The following KPNA3 variants were observed in gnomAD, a reference collection of about 807,000 sequenced individuals.
KPNA3 encodes importin subunit alpha-4.
KPNA3 carries 13 observed loss-of-function variants against 73.8 expected under a neutral mutation model. That is an observed-to-expected ratio of 0.18 (90% confidence interval 0.11 to 0.28). The LOEUF (loss-of-function observed/expected upper bound fraction) is 0.28, where lower values mean the gene tolerates loss of function less well. Among genes scored for constraint, KPNA3 ranks in the 10% least tolerant of loss-of-function variants. The pLI, the probability that KPNA3 is intolerant of heterozygous loss-of-function variation, is 1.00. For synonymous variants in KPNA3, 186 were observed against 206.9 expected (o/e 0.90, Z 0.87); for missense variants, 360 against 618.1 (o/e 0.58, Z 4.43).
intron 1 of KPNA3, among the ~76,000 whole-genome samples, chr13:49,788,110 T>C (rs999923350): frequency 6.6e-6 from 1 of 152,242 alleles, no homozygotes; most frequent in African/African-American, 2.4e-5. Context: ...ATAATAATAG[T>C]ACTTACTTGA....
chr13:49,761,071 T>C (rs945025854), intron 1 of KPNA3, among the ~76,000 whole-genome samples: 2 of 152,196 alleles, frequency 1.3e-5, no homozygotes, highest in African/African-American at 4.8e-5. Context: ...AAAAACAGTA[T>C]ATGTTACTTC....
At chr13:49,739,292 A>G (rs969404666) in intron 2 of KPNA3, among the ~76,000 whole-genome samples, 1 of 152,198 alleles carries the variant, frequency 6.6e-6, no homozygotes, top group Non-Finnish European at 1.5e-5. Context: ...AAAAGTTGAA[A>G]ATATAAGTAA....
chr13:49,713,616 T>C (rs569209154), intron 10 of KPNA3, among the ~76,000 whole-genome samples: 2 of 135,982 alleles, frequency 1.5e-5, no homozygotes, highest in East Asian at 4.7e-4. Context: ...AGCCTTATAT[T>C]AAACAGCTCT....
At chr13:49,770,073 G>C (rs1217227660) in intron 1 of KPNA3, among the ~76,000 whole-genome samples, 2 of 151,654 alleles carry the variant, frequency 1.3e-5, no homozygotes, top group Admixed American at 6.6e-5. Context: ...TTTTAAACTA[G>C]ACTGTCTTTG....
chr13:49,756,989 A>G (rs1954717030), intron 1 of KPNA3, among the ~76,000 whole-genome samples: 1 of 152,210 alleles, frequency 6.6e-6, no homozygotes, highest in Admixed American at 6.5e-5. Context: ...GCTGGACCAG[A>G]TAGATATTGA....
At chr13:49,781,212 T>C (rs1017715539) in intron 1 of KPNA3, among the ~76,000 whole-genome samples, 1 of 152,152 alleles carries the variant, frequency 6.6e-6, no homozygotes, top group Non-Finnish European at 1.5e-5. Context: ...CTCCACTAGG[T>C]ACACACTTCC....
At chr13:49,746,890 A>G in intron 2 of KPNA3, 59 bp downstream of exon 2, 1 of 1,274,186 alleles carries the variant, frequency 7.8e-7, no homozygotes, top group Non-Finnish European at 1.1e-6. Flanking sequence ...TTCAAGATAC[A>G]CAGAATTTTA....
At chr13:49,758,075 A>G (rs2137579673) in intron 1 of KPNA3, among the ~76,000 whole-genome samples, 1 of 152,302 alleles carries the variant, frequency 6.6e-6, no homozygotes, top group South Asian at 2.1e-4. Context: ...ACTAATTTCA[A>G]TAATGTACAT....
intron 1 of KPNA3, among the ~76,000 whole-genome samples, chr13:49,788,732 T>TTTA (rs1955005835): frequency 1.8e-5 from 2 of 109,396 alleles, no homozygotes; most frequent in Admixed American, 9.2e-5. Context: ...TTTTTTTTTT[T>TTTA]TTTTTTAAAA....
chr13:49,715,312 A>G (rs1002797948), intron 10 of KPNA3, among the ~76,000 whole-genome samples: 2 of 152,182 alleles, frequency 1.3e-5, no homozygotes, highest in Non-Finnish European at 1.5e-5. Context: ...AAAACCTAAG[A>G]AAAAGACCAA....
chr13:49,783,206 A>T (rs971281126), intron 1 of KPNA3, among the ~76,000 whole-genome samples: 1 of 152,174 alleles, frequency 6.6e-6, no homozygotes, highest in African/African-American at 2.4e-5. Context: ...GTGTCAAAAT[A>T]AAGTAAAATC....
chr13:49,763,122 A>G (rs578139944), intron 1 of KPNA3, among the ~76,000 whole-genome samples: 2 of 152,156 alleles, frequency 1.3e-5, no homozygotes, highest in Non-Finnish European at 1.5e-5. Context: ...AACTACAGCA[A>G]ATATTTCAGG....
At chr13:49,752,425 C>A (rs1353701217) in intron 1 of KPNA3, among the ~76,000 whole-genome samples, 1 of 151,982 alleles carries the variant, frequency 6.6e-6, no homozygotes, top group East Asian at 1.9e-4. Context: ...GCGTTGAAGC[C>A]CATGCTGTAA....
chr13:49,788,113 T>C (rs565778566), intron 1 of KPNA3, among the ~76,000 whole-genome samples: 5 of 152,334 alleles, frequency 3.3e-5, no homozygotes, highest in Middle Eastern at 6.8e-3. Context: ...ATAATAGTAC[T>C]TACTTGATAT....
At chr13:49,714,778 T>C (rs958500960) in intron 10 of KPNA3, among the ~76,000 whole-genome samples, 1 of 152,066 alleles carries the variant, frequency 6.6e-6, no homozygotes, top group Non-Finnish European at 1.5e-5. Flanking sequence ...ATTAACATAA[T>C]TAAATTTAAT....
At chr13:49,716,374 A>G (rs1954303939) in intron 10 of KPNA3, among the ~76,000 whole-genome samples, 2 of 152,002 alleles carry the variant, frequency 1.3e-5, no homozygotes, top group South Asian at 4.1e-4. Context: ...AACCTATTAA[A>G]TCTCTGCCTT....
chr13:49,721,544 G>A (rs558743873), intron 9 of KPNA3, among the ~76,000 whole-genome samples: 255 of 152,310 alleles, frequency 1.7e-3, no homozygotes, highest in Non-Finnish European at 2.8e-3. Flanking sequence ...CTGTGGCTGG[G>A]CGTGGTGGCT....
intron 11 of KPNA3, among the ~76,000 whole-genome samples, chr13:49,710,248 C>G (rs1287660985): frequency 6.6e-6 from 1 of 152,130 alleles, no homozygotes; most frequent in Admixed American, 6.6e-5. Flanking sequence ...GGCGACAGAA[C>G]AAGACTCCAT....
chr13:49,762,726 G>T (rs992117911), intron 1 of KPNA3, among the ~76,000 whole-genome samples: 2 of 151,808 alleles, frequency 1.3e-5, no homozygotes, highest in African/African-American at 4.8e-5. Flanking sequence ...CACAAACACT[G>T]CGGTAGGCCG....
Sources: gnomAD v4.1 joint callset for allele counts (sites outside exome capture counted in the v4.1 genomes callset) on GRCh38, gnomAD v4.1.1 for gene constraint, MANE v1.5 for transcripts, NCBI Gene and HGNC (gene_info 2026-07-23, HGNC 2026-07-21) for gene names.